Variants in EPHA6 observed in about 807,000 individuals in gnomAD.
EPHA6 encodes the protein EPH receptor A6, also known as ephrin type-A receptor 6.
EPHA6 carries 50 observed loss-of-function variants against 112.0 expected under a neutral mutation model. That is an observed-to-expected ratio of 0.45 (90% CI 0.36 to 0.56). The LOEUF is 0.56. Among genes scored for constraint, EPHA6 ranks in the 20% least tolerant of loss-of-function variants. The probability of loss-of-function intolerance (pLI) is 0.00; values close to 1 mark genes in which losing one functional copy is unlikely to be tolerated. For synonymous variants in EPHA6, 529 were observed against 490.7 expected, an observed-to-expected ratio of 1.08 and a Z score of -1.03; for missense variants, 1,280 against 1,417.4, an observed-to-expected ratio of 0.90 and a Z score of 1.56.
chr3:96,968,228 C>T (rs1268674876), intron 2 of EPHA6, among the ~76,000 whole-genome samples: 1 of 151,348 alleles, frequency 6.6e-6, no homozygotes, highest in Non-Finnish European at 1.5e-5. Context: ...AAACTTCTTC[C>T]CTGTGGTAAC....
intron 5 of EPHA6, among the ~76,000 whole-genome samples, chr3:97,247,847 C>A (rs553581757): frequency 2.0e-5 from 3 of 152,018 alleles, no homozygotes; most frequent in African/African-American, 7.2e-5. Context: ...GTCATACTTA[C>A]ATGAGTATGG....
At chr3:97,124,300 G>A (rs1280317165) in intron 3 of EPHA6, among the ~76,000 whole-genome samples, 4 of 151,540 alleles carry the variant, frequency 2.6e-5, no homozygotes, top group East Asian at 1.9e-4. Context: ...GATCATCACC[G>A]AGAGGAAACT....
chr3:96,940,335 C>T (rs1333125278), intron 2 of EPHA6, among the ~76,000 whole-genome samples: 1 of 152,106 alleles, frequency 6.6e-6, no homozygotes, highest in Non-Finnish European at 1.5e-5. Flanking sequence ...TTGAATTGAT[C>T]CCTTTACCAT....
rs1273655742 is a variant in EPHA6 at position 97,085,933 on chromosome 3, A to AG, written c.1114+97940_1114+97941insG. On this transcript the variant is annotated intron_variant, in intron 3 of 17. Transcript: ENST00000389672. ...AGCTTTTATATATATGATGTCATAT[A>AG]TATATATATATATATACACACTGAG... Among the ~76,000 whole-genome samples the AG allele has an allele frequency of 3.6e-4, 51 of 142,124 alleles. 2 individuals are homozygous for AG. Among genetic ancestry groups the AG allele is most frequent in the African/African-American group, 1.2e-3 (40 of 34,030 alleles). The allele number at this position is 142,124 out of a possible 152,430, so 93.2% of individuals were successfully genotyped here. A position where few individuals can be genotyped will look rare whatever the true frequency, so the allele number is the denominator to read the frequency against.
chr3:97,577,624 A>T (rs945336562), intron 11 of EPHA6, among the ~76,000 whole-genome samples: 2 of 152,132 alleles, frequency 1.3e-5, no homozygotes, highest in African/African-American at 2.4e-5. Context: ...ATTACCTATT[A>T]AGGCAATGCT....
chr3:97,162,517 C>T (rs1281680556), intron 3 of EPHA6, among the ~76,000 whole-genome samples: 1 of 152,114 alleles, frequency 6.6e-6, no homozygotes, highest in Non-Finnish European at 1.5e-5. Context: ...ACTGGTAGAC[C>T]ATAGCCATGT....
At chr3:97,200,049 A>G (rs2077541253) in intron 3 of EPHA6, among the ~76,000 whole-genome samples, 1 of 152,092 alleles carries the variant, frequency 6.6e-6, no homozygotes, top group African/African-American at 2.4e-5. Context: ...GGCTCTGGAG[A>G]GTGCAGAAAA....
intron 3 of EPHA6, among the ~76,000 whole-genome samples, chr3:96,992,959 CA>C (rs1290072415): frequency 6.6e-6 from 1 of 152,100 alleles, no homozygotes; most frequent in Non-Finnish European, 1.5e-5. Context: ...CTAGGGCTGT[CA>C]GATAAAAGAG....
Position 97,532,453 on chromosome 3 carries a change from C to T in EPHA6, c.2296C>T (p.Arg766Trp), listed in dbSNP as rs139774071. The change falls in exon 11 of 18, where the codon CGG becomes TGG. Residue 766 changes from arginine (R) to tryptophan (W), a missense_variant. Around this residue, in one of 4 missense-constraint regions of EPHA6, gnomAD observed 878 missense variants for 999.7 expected, o/e 0.88. Coordinates refer to ENST00000389672, the MANE Select transcript of EPHA6 (RefSeq NM_001080448.3). Reference protein sequence around the residue: ...IKTLKGGHMDRQRRDFLREAS... With the variant: ...IKTLKGGHMDWQRRDFLREAS... ...AACTTTGAAAGGTGGCCACATGGAT[C>T]GGCAAAGAAGAGATTTTCTAAGAGA... 9.4e-5 allele frequency: 151 copies of T among 1,612,434 alleles called. No individual in the cohort carries two copies. The African/African-American group carries it at 1.3e-3, about 14-fold the overall frequency.
chr3:97,144,053 G>A (rs1357648091), intron 3 of EPHA6, among the ~76,000 whole-genome samples: 1 of 151,628 alleles, frequency 6.6e-6, no homozygotes, highest in Non-Finnish European at 1.5e-5. Context: ...TGCAGTCTCC[G>A]TGATAGTTAT....
At position 97,204,729 on chromosome 3, in the gene EPHA6, T is replaced by G. The variant is rs150545308; in HGVS notation, c.1115-21535T>G. Among the ~76,000 whole-genome samples the G allele has an allele frequency of 6.4e-3, 979 of 152,198 alleles. 5 individuals are homozygous for G. Among genetic ancestry groups the G allele is most frequent in the Non-Finnish European group, 0.01 (694 of 67,970 alleles). On this transcript the variant is annotated intron_variant, in intron 3 of 17. Coordinates refer to ENST00000389672, the MANE Select transcript of EPHA6 (RefSeq NM_001080448.3). ...GGAATTATGAAGTAAAAAGGAAAAT[T>G]TATAAGTCAAAGACTTTTTATGCAT...
intron 2 of EPHA6, among the ~76,000 whole-genome samples, chr3:96,891,457 G>GCTTTTAAAATGCTTTTAAAAACAGGCTTT (rs1559805443): frequency 6.6e-6 from 1 of 151,500 alleles, no homozygotes; most frequent in Non-Finnish European, 1.5e-5. Flanking sequence ...TAAAATGCTG[G>GCTTTTAAAATGCTTTTAAAAACAGGCTTT]TAAAACACTC....
intron 1 of EPHA6, among the ~76,000 whole-genome samples, chr3:96,860,990 G>T (rs948130779): frequency 2.6e-5 from 4 of 151,958 alleles, no homozygotes; most frequent in Non-Finnish European, 5.9e-5. Context: ...AAATATCAAT[G>T]ACCTTGCTCA....
At chr3:97,660,399 A>T (rs1213039299) in intron 14 of EPHA6, among the ~76,000 whole-genome samples, 1 of 152,088 alleles carries the variant, frequency 6.6e-6, no homozygotes, top group African/African-American at 2.4e-5. Context: ...AGTGCAGAGG[A>T]ATCTAAACTG....
chr3:96,919,713 C>A (rs2039664955), intron 2 of EPHA6, among the ~76,000 whole-genome samples: 2 of 151,914 alleles, frequency 1.3e-5, no homozygotes, highest in Admixed American at 1.3e-4. Context: ...TCCAATAATA[C>A]TTTTCTTAAT....
At chr3:97,418,457 T>C (rs1380718144) in intron 6 of EPHA6, among the ~76,000 whole-genome samples, 3 of 152,026 alleles carry the variant, frequency 2.0e-5, no homozygotes. Flanking sequence ...TTTTAAAAAT[T>C]AGGCATATAG....
Position 97,453,647 on chromosome 3 carries a change from G to A in EPHA6, c.1894+4917G>A, listed in dbSNP as rs114459075. Among the ~76,000 whole-genome samples, 186 of 151,570 alleles carry A rather than the reference G, an allele frequency of 1.2e-3. No individual in the cohort carries two copies. In the Middle Eastern group the frequency reaches 0.014, roughly 11 times the overall value. On this transcript the variant is annotated intron_variant, in intron 7 of 17. Transcript: ENST00000389672. Reference sequence around the variant, plus strand: ...GTATTTCAAAATAAAATCTTATGTCGTGCCTTATATATTTTTACAAAAAGT... The same window carrying A: ...GTATTTCAAAATAAAATCTTATGTCATGCCTTATATATTTTTACAAAAAGT...
At position 96,932,874 on chromosome 3, in the gene EPHA6, AC is replaced by A. The variant is rs375651963; in HGVS notation, c.451-54455del. 2.6e-5 allele frequency among the ~76,000 whole-genome samples: 4 copies of A among 152,316 alleles called. No homozygotes were observed. In the East Asian group the frequency reaches 5.8e-4, roughly 22 times the overall value. On this transcript the variant is annotated intron_variant, in intron 2 of 17. Coordinates refer to ENST00000389672, the MANE Select transcript of EPHA6 (RefSeq NM_001080448.3). ...TTAATGTCATAATAAAACATGCAAAACGATTTATCTGGTTAACATATGCTTC... is the reference window on the plus strand; with the variant it reads ...TTAATGTCATAATAAAACATGCAAAAGATTTATCTGGTTAACATATGCTTC...
rs182432416 is a variant in EPHA6, at chr3:97,600,562, A to G, written c.2512+7825A>G. On this transcript the variant is annotated intron_variant, in intron 12 of 17. Transcript: ENST00000389672. ...CTCATTATAAACCAGGTGAAAACTC[A>G]GCCATTATTTAACCTTCCTCCCCAA... 3.3e-5 allele frequency among the ~76,000 whole-genome samples: 5 copies of G among 152,244 alleles called. No individual in the cohort carries two copies. In the East Asian group the frequency reaches 9.7e-4, roughly 29 times the overall value.
Sources: gnomAD v4.1 joint callset for allele counts (sites outside exome capture counted in the v4.1 genomes callset) on GRCh38, gnomAD v4.1.1 for gene constraint, gnomAD v4.1.1 regional missense constraint, MANE v1.5 for transcripts, NCBI Gene and HGNC (gene_info 2026-07-23, HGNC 2026-07-21) for gene names.